Variants in EYA2 observed in about 807,000 individuals in gnomAD.
EYA2 encodes EYA transcriptional coactivator and phosphatase 2.
EYA2 carries 31 observed loss-of-function variants against 69.2 expected under a neutral mutation model. The ratio of observed to expected loss-of-function variants is 0.45; its 90% CI spans 0.34 to 0.60. The LOEUF (loss-of-function observed/expected upper bound fraction) is 0.60, where lower values mean the gene tolerates loss of function less well. Ranked by LOEUF, EYA2 falls within the 20% of genes least tolerant of loss-of-function variation. The pLI, the probability that EYA2 is intolerant of heterozygous loss-of-function variation, is 0.02. For missense variants in EYA2, 622 were observed against 701.2 expected (o/e 0.89, Z 1.28); for synonymous variants, 257 against 279.4 (o/e 0.92, Z 0.80).
At chr20:47,089,472 G>T in intron 8 of EYA2, 91 bp downstream of exon 8, 1 of 1,420,372 alleles carries the variant, frequency 7.0e-7, no homozygotes, top group Non-Finnish European at 9.6e-7. Flanking sequence ...CCAAGTACGA[G>T]GCGGAGAATC....
At chr20:46,907,962 G>T (rs1984445613) in intron 1 of EYA2, among the ~76,000 whole-genome samples, 1 of 152,066 alleles carries the variant, frequency 6.6e-6, no homozygotes, top group Admixed American at 6.5e-5. Context: ...TCTTTACATT[G>T]GGGAAAATGT....
chr20:47,118,854 C>T lies in EYA2; in HGVS notation c.888+21686C>T, dbSNP rs764256588. On this transcript the variant is annotated intron_variant, in intron 9 of 15. Coordinates refer to ENST00000327619, the MANE Select transcript of EYA2 (RefSeq NM_005244.5). ...ACAGACTGCTTCCCCAGACTTCCTT[C>T]GCCAACTTCCCCCGCTTTCTTGCCC... Among the ~76,000 whole-genome samples, 24 of 152,160 alleles carry T rather than the reference C, an allele frequency of 1.6e-4. 1 individual carries two copies. Among genetic ancestry groups the T allele is most frequent in the Admixed American group, 1.2e-3 (18 of 15,264 alleles).
intron 1 of EYA2, among the ~76,000 whole-genome samples, chr20:46,917,415 A>G (rs570097113): frequency 2.6e-5 from 4 of 152,360 alleles, no homozygotes; most frequent in African/African-American, 9.6e-5. Context: ...GGCAAAACGA[A>G]GATTTGAACG....
intron 1 of EYA2, among the ~76,000 whole-genome samples, chr20:46,960,777 G>A (rs972556060): frequency 2.0e-5 from 3 of 152,166 alleles, no homozygotes; most frequent in African/African-American, 4.8e-5. Context: ...AATCTTCACC[G>A]TCTGGCCGTT....
intron 9 of EYA2, among the ~76,000 whole-genome samples, chr20:47,104,222 T>G (rs2032510782): frequency 6.6e-6 from 1 of 152,224 alleles, no homozygotes; most frequent in Non-Finnish European, 1.5e-5. Context: ...ATGTGCTTAT[T>G]GGCCATTTGT....
At chr20:47,187,058 TA>T (rs34926963) in intron 15 of EYA2, among the ~76,000 whole-genome samples, 8 of 149,234 alleles carry the variant, frequency 5.4e-5, no homozygotes, top group African/African-American at 7.4e-5. Context: ...TCTCTAAAAT[TA>T]AAAAAAAAAA....
chr20:47,013,177 A>G (rs1252960373), intron 4 of EYA2, among the ~76,000 whole-genome samples: 1 of 152,188 alleles, frequency 6.6e-6, no homozygotes, highest in Non-Finnish European at 1.5e-5. Context: ...GCAGGGTACA[A>G]GAGGGAACCA....
chr20:46,945,076 C>T (rs1978372131), intron 1 of EYA2, among the ~76,000 whole-genome samples: 1 of 151,812 alleles, frequency 6.6e-6, no homozygotes, highest in Non-Finnish European at 1.5e-5. Flanking sequence ...TCCACTCCAG[C>T]CTGAGTGACA....
chr20:46,906,847 C>T (rs1006661163), intron 1 of EYA2, among the ~76,000 whole-genome samples: 2 of 152,198 alleles, frequency 1.3e-5, no homozygotes, highest in African/African-American at 2.4e-5. Flanking sequence ...CCCTCACTTA[C>T]TTGCACAATG....
chr20:47,126,652 C>T (rs931200151), intron 9 of EYA2, among the ~76,000 whole-genome samples: 6 of 152,156 alleles, frequency 3.9e-5, no homozygotes, highest in Non-Finnish European at 8.8e-5. Context: ...AGTTTCATTG[C>T]CCACTCTGTA....
intron 1 of EYA2, among the ~76,000 whole-genome samples, chr20:46,964,573 C>T (rs771402143): frequency 9.9e-5 from 15 of 152,206 alleles, no homozygotes; most frequent in East Asian, 1.9e-4. Context: ...TGTCCTGTGA[C>T]GCAGGTATCC....
chr20:47,107,481 A>G (rs1016816125), intron 9 of EYA2, among the ~76,000 whole-genome samples: 2 of 147,790 alleles, frequency 1.4e-5, no homozygotes, highest in Admixed American at 7.0e-5. Flanking sequence ...AGCCTAGATC[A>G]TGCCACTGTA....
At chr20:47,047,429 C>T (rs1179666902) in intron 5 of EYA2, among the ~76,000 whole-genome samples, 2 of 151,420 alleles carry the variant, frequency 1.3e-5, no homozygotes, top group African/African-American at 2.4e-5. Context: ...CTCCGTCACC[C>T]GGGTTGGAGT....
At chr20:47,034,118 G>C (rs1436367912) in intron 5 of EYA2, among the ~76,000 whole-genome samples, 1 of 152,216 alleles carries the variant, frequency 6.6e-6, no homozygotes, top group Non-Finnish European at 1.5e-5. Context: ...CAAGATGAGA[G>C]CAAACCCTAG....
At chr20:47,065,512 T>A (rs554007168) in intron 5 of EYA2, among the ~76,000 whole-genome samples, 149 of 151,732 alleles carry the variant, frequency 9.8e-4, no homozygotes, top group East Asian at 1.2e-3. Flanking sequence ...GAAAAAAAAA[T>A]TATAAAAGAA....
In EYA2 at chr20:47,074,264, T is replaced by C. The variant is rs535313513; in HGVS notation, c.590T>C (p.Leu197Pro). The C allele has an allele frequency of 1.9e-5, 31 of 1,613,958 alleles. No individual in the cohort carries two copies. The South Asian group carries it at 3.1e-4, about 16-fold the overall frequency. The change falls in exon 7 of 16, where the codon CTC (leucine) becomes CCC (proline). Residue 197 changes from leucine to proline, a missense_variant. Transcript: ENST00000327619. ...VPASSICPSP[L>P]STSTYVLQEA... Reference sequence around the variant, plus strand: ...GCCAGCAGCATCTGCCCTTCGCCCCTCTCCACGTCCACCTACGTCCTCCAG... The same window carrying C: ...GCCAGCAGCATCTGCCCTTCGCCCCCCTCCACGTCCACCTACGTCCTCCAG...
intron 4 of EYA2, among the ~76,000 whole-genome samples, chr20:47,006,502 A>G (rs1890989): frequency 0.6 from 90,790 of 152,122 alleles, 27,719 homozygotes; most frequent in Non-Finnish European, 0.67. Context: ...TTGTAAAATT[A>G]ATATGCTCGT....
intron 1 of EYA2, among the ~76,000 whole-genome samples, chr20:46,977,633 G>A (rs1047629861): frequency 1.3e-5 from 2 of 152,198 alleles, no homozygotes; most frequent in African/African-American, 2.4e-5. Context: ...TCTAAATGAT[G>A]GGCAGCCTGA....
intron 5 of EYA2, among the ~76,000 whole-genome samples, chr20:47,050,515 A>G (rs1415393480): frequency 6.6e-6 from 1 of 152,226 alleles, no homozygotes; most frequent in African/African-American, 2.4e-5. Flanking sequence ...AGATTGGAAG[A>G]GATGATCAGG....
Sources: allele counts gnomAD v4.1 joint callset (sites outside exome capture counted in the v4.1 genomes callset), GRCh38; gene constraint gnomAD v4.1.1; transcripts MANE v1.5; gene names NCBI Gene and HGNC (gene_info 2026-07-23, HGNC 2026-07-21).